Variants in DCAF1 observed in about 807,000 individuals in gnomAD.
DCAF1 encodes the protein DDB1 and CUL4 associated factor 1.
In DCAF1, 15 loss-of-function variants were observed where a neutral mutation model predicts 128.0. That is an observed-to-expected ratio of 0.12 (90% confidence interval 0.08 to 0.18). The LOEUF (loss-of-function observed/expected upper bound fraction) is 0.18. Ranked by LOEUF, DCAF1 falls within the 10% of genes least tolerant of loss-of-function variation. The probability of loss-of-function intolerance (pLI) is 1.00; values close to 1 mark genes in which losing one functional copy is unlikely to be tolerated. For synonymous variants in DCAF1, 610 were observed against 603.0 expected, an observed-to-expected ratio of 1.01 and a Z score of -0.17; for missense variants, 988 against 1,649.5, an observed-to-expected ratio of 0.60 and a Z score of 6.95.
At chr3:51,412,861 A>G in intron 22 of DCAF1, 132 bp downstream of exon 22, 1 of 1,355,974 alleles carries the variant, frequency 7.4e-7, no homozygotes, top group Non-Finnish European at 1.0e-6. Flanking sequence ...TCAAATGAAT[A>G]GGTTATCAAT....
Position 51,398,523 on chromosome 3 carries a change from GGTGGGGGGTGGAT to G in DCAF1, c.*233_*245del, listed in dbSNP as rs1422288842. On this transcript the variant is annotated 3_prime_UTR_variant, in exon 25 of 25. Transcript: ENST00000684031. The stretch of plus-strand genomic sequence containing the variant: ...GAAAGATATGTCCATCCTAGGAAAT[GGTGGGGGGTGGAT>G]GTGGGGGGTGCAGAGTAGGGCCTAG... 3.7e-5 allele frequency: 17 copies of G among 456,964 alleles called. No individual in the cohort carries two copies. The highest frequency in any genetic ancestry group is 2.3e-4 in the Admixed American group (6 of 25,564). The allele number at this position is 456,964 out of a possible 1,614,324, so 28.3% of individuals were successfully genotyped here.
chr3:51,503,960 AG>A (rs1708880813), upstream of DCAF1, among the ~76,000 whole-genome samples: 1 of 152,084 alleles, frequency 6.6e-6, no homozygotes, highest in South Asian at 2.1e-4. Context: ...AAATCCTTCC[AG>A]GAGGAAGAGT....
In DCAF1 at chr3:51,486,958, T is replaced by C. The variant is rs202027413; in HGVS notation, c.-8-3122A>G. ...CGATAAATATATTTTTAAAACAAAC[T>C]TTTTTTCTTTTCTTTTCTTTTTTTT... On this transcript the variant is annotated intron_variant, in intron 2 of 24. Coordinates refer to ENST00000684031, the MANE Select transcript of DCAF1 (RefSeq NM_001387579.1). Among the ~76,000 whole-genome samples, 5 of 148,846 alleles carry C rather than the reference T, an allele frequency of 3.4e-5. No homozygotes were observed. In the East Asian group the frequency reaches 1.0e-3, roughly 30 times the overall value.
intron 4 of DCAF1, among the ~76,000 whole-genome samples, chr3:51,469,221 ATTTTTTT>A (rs781851604): frequency 6.0e-5 from 7 of 116,720 alleles, no homozygotes; most frequent in African/African-American, 1.8e-4. Context: ...CCACACACAA[ATTTTTTT>A]TTTTTTTTTT....
At chr3:51,476,595 A>C (rs1290638022) in intron 3 of DCAF1, among the ~76,000 whole-genome samples, 2 of 117,612 alleles carry the variant, frequency 1.7e-5, no homozygotes, top group Non-Finnish European at 3.6e-5. Context: ...AAAAAAAAAA[A>C]GGCCAGGCGT....
At chr3:51,500,263 T>C (rs1271438796), upstream of DCAF1, among the ~76,000 whole-genome samples, 1 of 151,802 alleles carries the variant, frequency 6.6e-6, no homozygotes, top group East Asian at 1.9e-4. Context: ...TCTGGATTTG[T>C]AGTTTTTTTG....
At chr3:51,438,696 C>T (rs1701079961) in intron 9 of DCAF1, among the ~76,000 whole-genome samples, 1 of 152,164 alleles carries the variant, frequency 6.6e-6, no homozygotes, top group African/African-American at 2.4e-5. Context: ...ACTGCAACTT[C>T]CACCTCCTGG....
chr3:51,445,324 T>C (rs1205151626), intron 6 of DCAF1, among the ~76,000 whole-genome samples: 1 of 152,250 alleles, frequency 6.6e-6, no homozygotes, highest in African/African-American at 2.4e-5. Context: ...TAAATTGTGA[T>C]AGTGTATATA....
upstream of DCAF1, among the ~76,000 whole-genome samples, chr3:51,501,414 C>G (rs1708801690): frequency 6.6e-6 from 1 of 152,108 alleles, no homozygotes; most frequent in Non-Finnish European, 1.5e-5. Context: ...TGAGCAGAAT[C>G]TCGACCTGAC....
intron 13 of DCAF1, among the ~76,000 whole-genome samples, chr3:51,423,424 C>A (rs1052691798): frequency 7.3e-5 from 11 of 150,444 alleles, no homozygotes; most frequent in South Asian, 6.3e-4. Flanking sequence ...ATTGCTTGAA[C>A]CCAGGAGGCG....
chr3:51,398,850 GAC>G, intron 24 of DCAF1, 23 bp from the exon 25 acceptor site: 1 of 1,572,184 alleles, frequency 6.4e-7, no homozygotes, highest in Non-Finnish European at 8.6e-7. Flanking sequence ...AAAAGGGAGA[GAC>G]AAGATTACAC....
intron 10 of DCAF1, among the ~76,000 whole-genome samples, chr3:51,430,770 T>C (rs2107549409): frequency 6.6e-6 from 1 of 152,336 alleles, no homozygotes; most frequent in East Asian, 1.9e-4. Context: ...CTACCTATCT[T>C]GCATAAACAC....
chr3:51,464,869 T>C (rs781955637), intron 5 of DCAF1, among the ~76,000 whole-genome samples: 4 of 151,966 alleles, frequency 2.6e-5, no homozygotes, highest in Non-Finnish European at 4.4e-5. Flanking sequence ...AAGGAAACGT[T>C]GGAGGAGAGG....
chr3:51,499,483 G>A (rs1437583804), intron 1 of DCAF1, among the ~76,000 whole-genome samples: 1 of 152,286 alleles, frequency 6.6e-6, no homozygotes, highest in East Asian at 1.9e-4. Context: ...TACGGAAGAT[G>A]GAGCCCCGCA....
intron 2 of DCAF1, among the ~76,000 whole-genome samples, chr3:51,495,184 C>T (rs1483367944): frequency 4.0e-5 from 6 of 151,456 alleles, no homozygotes; most frequent in African/African-American, 1.5e-4. Context: ...ATTAGCCGGA[C>T]GTGGCAGCAG....
At chr3:51,401,571 A>T (rs1169420391) in intron 24 of DCAF1, among the ~76,000 whole-genome samples, 2 of 152,236 alleles carry the variant, frequency 1.3e-5, no homozygotes, top group African/African-American at 4.8e-5. Flanking sequence ...CACAACTGAT[A>T]GAGTTAAAGT....
chr3:51,493,857 C>T (rs1417131625), intron 2 of DCAF1, among the ~76,000 whole-genome samples: 1 of 151,662 alleles, frequency 6.6e-6, no homozygotes, highest in Non-Finnish European at 1.5e-5. Flanking sequence ...ATTAGCCGGG[C>T]GTGGTGGCAT....
At position 51,496,582 on chromosome 3, in the gene DCAF1, G is replaced by A. The variant is rs1473896500; in HGVS notation, c.-9+152C>T. 2.6e-4 allele frequency among the ~76,000 whole-genome samples: 39 copies of A among 151,766 alleles called. No homozygotes were observed. In the Admixed American group the frequency reaches 2.6e-3, roughly 10 times the overall value. ...TAGTATGGGACAGACATTGAGCTAA[G>A]TAATTTACCATACTTACATTATTCT... On this transcript the variant is annotated intron_variant, in intron 2 of 24. Transcript: ENST00000684031.
At chr3:51,413,787 A>T (rs1318680721) in intron 20 of DCAF1, among the ~76,000 whole-genome samples, 163 bp downstream of exon 20, 7 of 152,228 alleles carry the variant, frequency 4.6e-5, no homozygotes, top group Non-Finnish European at 1.0e-4. Context: ...CATTATTTTC[A>T]TATCTTTTGT....
Sources: allele counts gnomAD v4.1 joint callset (sites outside exome capture counted in the v4.1 genomes callset), GRCh38; gene constraint gnomAD v4.1.1; transcripts MANE v1.5; gene names NCBI Gene and HGNC (gene_info 2026-07-23, HGNC 2026-07-21).